PCDHA3: variants seen among roughly 807,000 people sequenced by gnomAD.
PCDHA3 encodes the protein protocadherin alpha-3.
A neutral mutation model predicts 62.2 loss-of-function variants in PCDHA3; 41 were observed. The observed-to-expected ratio is 0.66, with a 90% CI of 0.51 to 0.86. The LOEUF is 0.86. PCDHA3 is among the 40% of genes least tolerant of loss of function. PCDHA3 has a pLI of 0.00. For missense variants in PCDHA3, 1,304 were observed against 1,241.2 expected, an observed-to-expected ratio of 1.05 and a Z score of -0.76; for synonymous variants, 640 against 555.4, an observed-to-expected ratio of 1.15 and a Z score of -2.14.
intron 1 of PCDHA3, chr5:140,877,932 A>G: frequency 7.1e-7 from 1 of 1,407,638 alleles, no homozygotes; most frequent in Non-Finnish European, 9.3e-7. Flanking sequence ...TTATGATTCT[A>G]TCCTTTAAAC....
intron 1 of PCDHA3, chr5:140,866,192 G>A (rs2049201997): frequency 6.6e-6 from 1 of 152,028 alleles, no homozygotes; most frequent in Non-Finnish European, 1.5e-5. Context: ...AGAAAACTGT[G>A]GTTTCCAATA....
At chr5:140,874,757 C>T (rs984706003) in intron 1 of PCDHA3, among the ~76,000 whole-genome samples, 6 of 152,190 alleles carry the variant, frequency 3.9e-5, no homozygotes, top group Non-Finnish European at 8.8e-5. Context: ...CAAACAATAA[C>T]GCTCTCCATA....
chr5:140,963,300 TAAG>T (rs1387833703), intron 1 of PCDHA3, among the ~76,000 whole-genome samples: 2 of 152,120 alleles, frequency 1.3e-5, no homozygotes, highest in African/African-American at 4.8e-5. Flanking sequence ...GGAGAGAAAA[TAAG>T]AAGCTGTTTG....
At chr5:140,849,336 T>G in intron 1 of PCDHA3, 8 of 1,396,714 alleles carry the variant, frequency 5.7e-6, no homozygotes, top group Non-Finnish European at 6.9e-6. Context: ...TATTTACTCC[T>G]TCTCCAGTGA....
At chr5:140,927,281 A>G (rs1554204297) in intron 1 of PCDHA3, 1 of 1,614,172 alleles carries the variant, frequency 6.2e-7, no homozygotes, top group Non-Finnish European at 8.5e-7. Flanking sequence ...GGCGACGTGC[A>G]GCTGCACATC....
chr5:140,809,795 A>C (rs1554125360), intron 1 of PCDHA3: 2 of 457,272 alleles, frequency 4.4e-6, no homozygotes, highest in African/African-American at 4.0e-5. Flanking sequence ...CAGAACTGTA[A>C]TTTCTAGTAA....
In PCDHA3 at chr5:140,808,110, T is replaced by C. The variant is rs781921257; in HGVS notation, c.2394+4519T>C. The C allele has an allele frequency of 9.5e-5, 154 of 1,613,930 alleles. No homozygotes were observed. The highest frequency in any genetic ancestry group is 1.2e-4 in the Non-Finnish European group (145 of 1,179,894). On this transcript the variant is annotated intron_variant, in intron 1 of 3. Coordinates refer to ENST00000522353, the MANE Select transcript of PCDHA3 (RefSeq NM_018906.3). ...GGACAAATTATTGTAAAGGGATATA[T>C]TGACTTTGAAGAAAGCAAATCCTAT... is the stretch of plus-strand genomic sequence containing the variant.
intron 3 of PCDHA3, among the ~76,000 whole-genome samples, chr5:141,000,018 A>G (rs2097889437): frequency 6.6e-6 from 1 of 152,038 alleles, no homozygotes; most frequent in East Asian, 1.9e-4. Flanking sequence ...CCCCATTGCT[A>G]AGCCTGACAT....
intron 1 of PCDHA3, chr5:140,848,644 A>C: frequency 6.3e-7 from 1 of 1,593,184 alleles, no homozygotes; most frequent in Non-Finnish European, 8.6e-7. Flanking sequence ...CGCATCGCGC[A>C]GGACCTGGGG....
intron 1 of PCDHA3, among the ~76,000 whole-genome samples, chr5:140,964,925 T>C (rs1586044682): frequency 6.6e-6 from 1 of 152,148 alleles, no homozygotes; most frequent in African/African-American, 2.4e-5. Flanking sequence ...ACTGGCTAGG[T>C]AGTGGAGCAT....
Position 140,857,497 on chromosome 5 carries a change from G to T in PCDHA3, c.2394+53906G>T, listed in dbSNP as rs1473016176. Reference sequence around the variant, plus strand: ...CGGTGTCTGCGTGGGACGCGGACGCGCAGGAGAACGCCCTGGTGTCCTACT... The same window carrying T: ...CGGTGTCTGCGTGGGACGCGGACGCTCAGGAGAACGCCCTGGTGTCCTACT... On this transcript the variant is annotated intron_variant, in intron 1 of 3. Coordinates refer to ENST00000522353, the MANE Select transcript of PCDHA3 (RefSeq NM_018906.3). 10 of 1,598,150 alleles carry T rather than the reference G, an allele frequency of 6.3e-6. 1 individual carries two copies. The highest frequency in any genetic ancestry group is 5.4e-5 in the African/African-American group (4 of 74,450).
At chr5:140,812,159 G>GTTGTTGTTGTTGTTT (rs1248531146) in intron 1 of PCDHA3, 2 of 151,474 alleles carry the variant, frequency 1.3e-5, no homozygotes, top group Non-Finnish European at 2.9e-5. Flanking sequence ...TGTTGTTGTT[G>GTTGTTGTTGTTGTTT]TTGTTAGGAG....
chr5:140,870,399 T>C, intron 1 of PCDHA3: 1 of 1,614,196 alleles, frequency 6.2e-7, no homozygotes, highest in Non-Finnish European at 8.5e-7. Flanking sequence ...GGGGTTCGCC[T>C]TCTCTGTGGG....
At chr5:140,836,206 C>T (rs1554135734) in intron 1 of PCDHA3, 3 of 1,613,832 alleles carry the variant, frequency 1.9e-6, no homozygotes, top group South Asian at 2.2e-5. Context: ...GCGTGGCTTT[C>T]GTATGAGTTG....
At chr5:140,804,443 T>C (rs1341335746) in intron 1 of PCDHA3, 1 of 152,100 alleles carries the variant, frequency 6.6e-6, no homozygotes, top group Non-Finnish European at 1.5e-5. Flanking sequence ...ATGTTTTAAA[T>C]CTTGTTAAAA....
intron 1 of PCDHA3, chr5:140,834,564 C>A: frequency 6.2e-7 from 1 of 1,614,090 alleles, no homozygotes; most frequent in Non-Finnish European, 8.5e-7. Context: ...GGAGCTGGTG[C>A]CGCGCCTGTT....
At chr5:140,918,573 C>CT (rs1392285106) in intron 1 of PCDHA3, among the ~76,000 whole-genome samples, 1 of 152,154 alleles carries the variant, frequency 6.6e-6, no homozygotes, top group Non-Finnish European at 1.5e-5. Context: ...TATTATGCTG[C>CT]TATTGGCTAT....
intron 1 of PCDHA3, chr5:140,881,421 C>G: frequency 1.1e-6 from 1 of 907,614 alleles, no homozygotes; most frequent in South Asian, 5.1e-5. Context: ...GATATTAGTT[C>G]CAGGCATATT....
chr5:140,872,087 A>C (rs2053480826), intron 1 of PCDHA3, among the ~76,000 whole-genome samples: 2 of 152,304 alleles, frequency 1.3e-5, no homozygotes, highest in East Asian at 1.9e-4. Flanking sequence ...GTGCCACTGC[A>C]CTTAGTCCAT....
Sources: allele counts gnomAD v4.1 joint callset (sites outside exome capture counted in the v4.1 genomes callset), GRCh38; gene constraint gnomAD v4.1.1; transcripts MANE v1.5; gene names NCBI Gene and HGNC (gene_info 2026-07-23, HGNC 2026-07-21).